The following BCL7A variants were observed in gnomAD, a reference collection of about 807,000 sequenced individuals.
BCL7A encodes the protein B-cell CLL/lymphoma 7 protein family member A.
Under a neutral mutation model 28.4 loss-of-function variants are expected in BCL7A, and 11 were observed. The ratio of observed to expected loss-of-function variants is 0.39; its 90% CI spans 0.24 to 0.64. BCL7A has a LOEUF of 0.64. Among genes scored for constraint, BCL7A ranks in the 30% least tolerant of loss-of-function variants. The probability of loss-of-function intolerance (pLI) is 0.50; values close to 1 mark genes in which losing one functional copy is unlikely to be tolerated. For missense variants in BCL7A, 222 were observed against 274.8 expected (o/e 0.81, Z 1.36); for synonymous variants, 123 against 103.3 (o/e 1.19, Z -1.15).
rs569883819 is a variant in BCL7A, at chr12:122,042,348, C to T, written c.272-1538C>T. 3.9e-5 allele frequency among the ~76,000 whole-genome samples: 6 copies of T among 151,984 alleles called. 1 individual carries two copies. The South Asian group carries it at 1.0e-3, about 26-fold the overall frequency. ...AGATTTTTGTAATTAAAATATAATT[C>T]ACATATAAAAAATACACAGCTAGTG... On this transcript the variant is annotated intron_variant, in intron 3 of 5. Transcript: ENST00000261822.
chr12:122,042,706 T>C (rs917827900), intron 3 of BCL7A, among the ~76,000 whole-genome samples: 2 of 151,454 alleles, frequency 1.3e-5, no homozygotes, highest in African/African-American at 4.9e-5. Flanking sequence ...GCCGGCAGCC[T>C]GCACTGAAGT....
At chr12:122,057,747 C>T (rs1174239888) in intron 5 of BCL7A, among the ~76,000 whole-genome samples, 1 of 152,192 alleles carries the variant, frequency 6.6e-6, no homozygotes, top group African/African-American at 2.4e-5. Flanking sequence ...GTGACAACTA[C>T]AGACCCTTTC....
chr12:122,048,113 G>C (rs1375174475), intron 4 of BCL7A, among the ~76,000 whole-genome samples: 2 of 151,996 alleles, frequency 1.3e-5, no homozygotes, highest in Non-Finnish European at 2.9e-5. Flanking sequence ...ATGTTGGTCA[G>C]GCTGGTCTTG....
chr12:122,044,284 G>A, intron 4 of BCL7A: 1 of 493,908 alleles, frequency 2.0e-6, no homozygotes, highest in East Asian at 3.7e-5. Flanking sequence ...CAAGGTGTGA[G>A]GACTGCTTGA....
At chr12:122,051,716 C>A (rs1884194768) in intron 4 of BCL7A, among the ~76,000 whole-genome samples, 2 of 152,192 alleles carry the variant, frequency 1.3e-5, no homozygotes, top group Non-Finnish European at 2.9e-5. Flanking sequence ...CACCACTCTG[C>A]AGAGCCTGCT....
intron 3 of BCL7A, among the ~76,000 whole-genome samples, chr12:122,043,215 A>C (rs1025763479): frequency 6.6e-6 from 1 of 151,984 alleles, no homozygotes; most frequent in African/African-American, 2.4e-5. Flanking sequence ...TGCCAGACAC[A>C]CAAGACGTCT....
chr12:122,033,234 C>G (rs1175428434), intron 2 of BCL7A, among the ~76,000 whole-genome samples: 2 of 151,744 alleles, frequency 1.3e-5, no homozygotes, highest in East Asian at 3.9e-4. Flanking sequence ...CTCCTGGGCT[C>G]AAGCAATCCT....
chr12:122,057,135 G>A (rs1327768989), intron 5 of BCL7A, among the ~76,000 whole-genome samples: 2 of 152,232 alleles, frequency 1.3e-5, no homozygotes, highest in Non-Finnish European at 2.9e-5. Context: ...TGGGTAGAGG[G>A]TGCTGTGGCT....
At chr12:122,039,503 TA>T (rs1385520451) in intron 3 of BCL7A, among the ~76,000 whole-genome samples, 27 of 140,416 alleles carry the variant, frequency 1.9e-4, no homozygotes, top group Non-Finnish European at 3.3e-4. Context: ...TATATATATA[TA>T]TAATATATAT....
chr12:122,052,830 G>A (rs1311845426), intron 4 of BCL7A, among the ~76,000 whole-genome samples: 3 of 131,478 alleles, frequency 2.3e-5, no homozygotes, highest in Non-Finnish European at 3.2e-5. Flanking sequence ...TTACAGGCGC[G>A]CGACACCACG....
At chr12:122,058,472 C>T (rs1951893836) in intron 5 of BCL7A, among the ~76,000 whole-genome samples, 1 of 151,814 alleles carries the variant, frequency 6.6e-6, no homozygotes, top group Non-Finnish European at 1.5e-5. Context: ...CAGCCTGGCC[C>T]ACATGGTGAA....
chr12:122,051,283 G>A (rs1884186672), intron 4 of BCL7A, among the ~76,000 whole-genome samples: 2 of 152,038 alleles, frequency 1.3e-5, no homozygotes, highest in South Asian at 2.1e-4. Flanking sequence ...CCTGCTGCCC[G>A]AGCTGCCCGT....
At chr12:122,023,129 G>C (rs957409012) in intron 1 of BCL7A, among the ~76,000 whole-genome samples, 2 of 152,202 alleles carry the variant, frequency 1.3e-5, no homozygotes, top group Non-Finnish European at 2.9e-5. Flanking sequence ...GAACCTTTCC[G>C]CGGCCTCGTC....
intron 3 of BCL7A, among the ~76,000 whole-genome samples, chr12:122,042,109 T>C (rs1883975288): frequency 6.6e-6 from 1 of 151,680 alleles, no homozygotes; most frequent in Non-Finnish European, 1.5e-5. Context: ...GAGAAGGGGG[T>C]GCAGGACAAG....
At chr12:122,049,038 AT>A (rs1884136558) in intron 4 of BCL7A, among the ~76,000 whole-genome samples, 26 of 44,618 alleles carry the variant, frequency 5.8e-4, no homozygotes, top group African/African-American at 1.8e-3. Flanking sequence ...AAAAAAAAAT[AT>A]ATATATATAT....
At chr12:122,036,894 A>G (rs1883867601) in intron 3 of BCL7A, among the ~76,000 whole-genome samples, 1 of 151,996 alleles carries the variant, frequency 6.6e-6, no homozygotes, top group Admixed American at 6.6e-5. Context: ...ATTTTAGTAG[A>G]TACGAGGTTT....
intron 3 of BCL7A, among the ~76,000 whole-genome samples, chr12:122,042,242 G>A (rs1480338301): frequency 6.6e-6 from 1 of 152,130 alleles, no homozygotes; most frequent in African/African-American, 2.4e-5. Context: ...GTAGAGAGAG[G>A]AATACGATCC....
Position 122,060,962 on chromosome 12 carries a change from A to T in BCL7A, c.*1799A>T, listed in dbSNP as rs1277722122. On this transcript the variant is annotated 3_prime_UTR_variant, in exon 6 of 6. Transcript: ENST00000261822. ...AGCAATGCCGAAAGGTTTCTGTCTT[A>T]AAAAAAAAAATCCTTGTACTTATCA... The T allele has an allele frequency of 7.4e-5, 13 of 176,858 alleles. No individual in the cohort carries two copies. Among genetic ancestry groups the T allele is most frequent in the Middle Eastern group, 4.3e-3 (2 of 470 alleles). 11.0% of individuals were successfully genotyped at this position (176,858 alleles called of 1,614,324 possible). A position where few individuals can be genotyped will look rare whatever the true frequency, so the allele number is the denominator to read the frequency against.
chr12:122,023,583 C>T (rs972069576), intron 1 of BCL7A, among the ~76,000 whole-genome samples: 9 of 152,230 alleles, frequency 5.9e-5, no homozygotes, highest in African/African-American at 1.9e-4. Context: ...GCCGGATGCC[C>T]GGCCGTGGGC....
Sources: gnomAD v4.1 joint callset for allele counts (sites outside exome capture counted in the v4.1 genomes callset) on GRCh38, gnomAD v4.1.1 for gene constraint, MANE v1.5 for transcripts, NCBI Gene and HGNC (gene_info 2026-07-23, HGNC 2026-07-21) for gene names.